The following NAV2 variants were observed in gnomAD, a reference collection of about 807,000 sequenced individuals.
NAV2 encodes helicase, APC down-regulated 1.
In NAV2, 54 loss-of-function variants were observed where a neutral mutation model predicts 223.2. The observed-to-expected ratio is 0.24, with a 90% CI of 0.19 to 0.30. The LOEUF is 0.30. Ranked by LOEUF, NAV2 falls within the 10% of genes least tolerant of loss-of-function variation. NAV2 has a pLI of 1.00. For synonymous variants in NAV2, 1,279 were observed against 1,239.3 expected (o/e 1.03, Z -0.67); for missense variants, 2,806 against 3,147.5 (o/e 0.89, Z 2.60).
chr11:20,079,311 G>A (rs2059948755), intron 24 of NAV2, among the ~76,000 whole-genome samples: 1 of 152,144 alleles, frequency 6.6e-6, no homozygotes, highest in Non-Finnish European at 1.5e-5. Context: ...AAAGTGCTGG[G>A]ATTACAGGCA....
In NAV2 at chr11:19,897,800, A is replaced by G. The variant is rs1328539463; in HGVS notation, c.931+5206A>G. On this transcript the variant is annotated intron_variant, in intron 6 of 37. Coordinates refer to ENST00000349880, the MANE Select transcript of NAV2 (RefSeq NM_145117.5). The stretch of plus-strand genomic sequence containing the variant: ...CCTGCAAGTTGTTTGTTGTATCATC[A>G]TTGCCATCATGGTTAGATTTGCCTT... 2.7e-5 allele frequency among the ~76,000 whole-genome samples: 4 copies of G among 150,870 alleles called. No homozygotes were observed. The South Asian group carries it at 6.3e-4, about 24-fold the overall frequency.
chr11:20,003,542 G>A (rs1267125331), intron 11 of NAV2, among the ~76,000 whole-genome samples: 2 of 152,168 alleles, frequency 1.3e-5, no homozygotes, highest in African/African-American at 2.4e-5. Flanking sequence ...CGTGCCAGGT[G>A]TGGGACACTG....
intron 1 of NAV2, among the ~76,000 whole-genome samples, chr11:19,378,807 G>T (rs72902184): frequency 1.3e-5 from 2 of 152,060 alleles, no homozygotes; most frequent in African/African-American, 4.8e-5. Context: ...CTGAGGATCC[G>T]TTGGGTCCAC....
intron 1 of NAV2, chr11:19,714,492 C>A (rs1188689753): frequency 2.2e-6 from 1 of 456,160 alleles, no homozygotes; most frequent in Non-Finnish European, 4.4e-6. Context: ...ATGACCTGTC[C>A]CTGCCCCATC....
intron 6 of NAV2, among the ~76,000 whole-genome samples, chr11:19,927,623 CCAGCAGTGAGCCGAGATTG>C (rs2044891940): frequency 6.6e-6 from 1 of 151,498 alleles, no homozygotes; most frequent in Admixed American, 6.6e-5. Context: ...GCCTGTGGTT[CCAGCAGTGAGCCGAGATTG>C]CACCAGTGCA....
chr11:19,411,050 C>CATTGGCACAGCA (rs1850123501), intron 1 of NAV2, among the ~76,000 whole-genome samples: 1 of 152,178 alleles, frequency 6.6e-6, no homozygotes, highest in Non-Finnish European at 1.5e-5. Flanking sequence ...TCCTCCAGGG[C>CATTGGCACAGCA]ATTGGCACAG....
chr11:19,517,861 T>C (rs1170381994), intron 1 of NAV2, among the ~76,000 whole-genome samples: 1 of 152,242 alleles, frequency 6.6e-6, no homozygotes, highest in Non-Finnish European at 1.5e-5. Context: ...AAACCAAGCA[T>C]GGACTGAGCC....
At chr11:19,893,570 C>T (rs966387281) in intron 6 of NAV2, among the ~76,000 whole-genome samples, 3 of 152,208 alleles carry the variant, frequency 2.0e-5, no homozygotes, top group Admixed American at 6.5e-5. Flanking sequence ...CTCAGAGTCA[C>T]TTGATGCAGT....
the NAV2 span, among the ~76,000 whole-genome samples, chr11:19,345,246 C>G: frequency 6.6e-6 from 1 of 152,176 alleles, no homozygotes; most frequent in African/African-American, 2.4e-5. This position sits in a 1 kb window ranked among gnomAD's most constrained non-coding sequence, Gnocchi z 5.2. Flanking sequence ...GGCTGAGAAG[C>G]GCGGGCCGGA....
chr11:19,551,228 A>G (rs1360983086), intron 1 of NAV2, among the ~76,000 whole-genome samples: 3 of 152,274 alleles, frequency 2.0e-5, no homozygotes, highest in Non-Finnish European at 4.4e-5. Context: ...AATTTATGCA[A>G]GAACATGTGC....
At chr11:19,516,071 G>C (rs989464673) in intron 1 of NAV2, among the ~76,000 whole-genome samples, 1 of 152,184 alleles carries the variant, frequency 6.6e-6, no homozygotes, top group Non-Finnish European at 1.5e-5. Context: ...CTGGAGTTAT[G>C]AGCATGTAAT....
At chr11:19,945,459 C>T (rs2046864845) in intron 8 of NAV2, among the ~76,000 whole-genome samples, 1 of 152,056 alleles carries the variant, frequency 6.6e-6, no homozygotes, top group Admixed American at 6.6e-5. Flanking sequence ...ACTGCAACCT[C>T]TACCTTCTAA....
intron 5 of NAV2, among the ~76,000 whole-genome samples, chr11:19,881,055 T>C (rs2063173938): frequency 6.6e-6 from 1 of 152,212 alleles, no homozygotes; most frequent in Admixed American, 6.5e-5. Flanking sequence ...GCATTAATAA[T>C]CATAAGGCTT....
At chr11:19,992,088 C>T (rs1306969837) in intron 11 of NAV2, among the ~76,000 whole-genome samples, 1 of 152,234 alleles carries the variant, frequency 6.6e-6, no homozygotes, top group Non-Finnish European at 1.5e-5. Context: ...TTCTTTCCAT[C>T]CCCTTTCCTC....
intron 36 of NAV2, among the ~76,000 whole-genome samples, chr11:20,108,965 T>C (rs2062401677): frequency 6.6e-6 from 1 of 152,180 alleles, no homozygotes; most frequent in Admixed American, 6.5e-5. Context: ...AGAGTTTTTT[T>C]GTTTCCTTGG....
At chr11:20,115,823 G>A (rs761849840) in intron 37 of NAV2, among the ~76,000 whole-genome samples, 8 of 152,096 alleles carry the variant, frequency 5.3e-5, no homozygotes, top group Non-Finnish European at 7.4e-5. Context: ...TGAGGTGGGA[G>A]GAGGGCTTGA....
At chr11:20,047,732 A>G (rs959037435) in intron 14 of NAV2, among the ~76,000 whole-genome samples, 1 of 152,196 alleles carries the variant, frequency 6.6e-6, no homozygotes, top group African/African-American at 2.4e-5. Context: ...TGTCTTTACA[A>G]TACTTGAGAT....
intron 1 of NAV2, among the ~76,000 whole-genome samples, chr11:19,427,387 C>T (rs1850872820): frequency 6.6e-6 from 1 of 152,210 alleles, no homozygotes; most frequent in South Asian, 2.1e-4. Context: ...AATAGAAGAG[C>T]ACATGCAGCT....
chr11:19,491,692 G>A (rs2042631295), intron 1 of NAV2, among the ~76,000 whole-genome samples: 1 of 152,148 alleles, frequency 6.6e-6, no homozygotes, highest in African/African-American at 2.4e-5. Context: ...TATCACTTGT[G>A]TGTTCACTGG....
Sources: gnomAD v4.1 joint callset for allele counts (sites outside exome capture counted in the v4.1 genomes callset) on GRCh38, gnomAD v4.1.1 for gene constraint, Gnocchi (gnomAD v3.1) non-coding constraint, MANE v1.5 for transcripts, NCBI Gene and HGNC (gene_info 2026-07-23, HGNC 2026-07-21) for gene names.